FARS2: variants seen among roughly 807,000 people sequenced by gnomAD.
FARS2 encodes phenylalanine--tRNA ligase, mitochondrial.
In FARS2, 40 loss-of-function variants were observed where a neutral mutation model predicts 46.4. The ratio of observed to expected loss-of-function variants is 0.86; its 90% CI spans 0.67 to 1.12. The LOEUF is 1.12. FARS2 is among the 50% of genes most tolerant of loss of function. The pLI is 0.00. For synonymous variants in FARS2, 234 were observed against 214.9 expected (o/e 1.09, Z -0.78); for missense variants, 513 against 567.9 (o/e 0.90, Z 0.98).
chr6:5,314,323 G>T (rs1769294736), intron 1 of FARS2, among the ~76,000 whole-genome samples: 1 of 152,106 alleles, frequency 6.6e-6, no homozygotes, highest in Non-Finnish European at 1.5e-5. Flanking sequence ...GGATGGTGTG[G>T]GTGTGATGGA....
chr6:5,578,319 T>C (rs1561726740), intron 5 of FARS2, among the ~76,000 whole-genome samples: 2 of 151,998 alleles, frequency 1.3e-5, no homozygotes, highest in Non-Finnish European at 2.9e-5. Flanking sequence ...CCCTTCTCAC[T>C]GGGCAGGGAG....
At chr6:5,493,209 C>CAAAA (rs34541325) in intron 4 of FARS2, among the ~76,000 whole-genome samples, 2 of 92,878 alleles carry the variant, frequency 2.2e-5, no homozygotes, top group Non-Finnish European at 4.3e-5. Flanking sequence ...GACTGTGTCT[C>CAAAA]AAAAAAAAAA....
At chr6:5,356,696 T>C (rs1757954068) in intron 1 of FARS2, among the ~76,000 whole-genome samples, 1 of 152,212 alleles carries the variant, frequency 6.6e-6, no homozygotes, top group South Asian at 2.1e-4. Flanking sequence ...TATTATATAC[T>C]GATTATTTGA....
chr6:5,330,758 AGTAT>A (rs1173288508), intron 1 of FARS2, among the ~76,000 whole-genome samples: 4 of 152,190 alleles, frequency 2.6e-5, no homozygotes, highest in African/African-American at 9.7e-5. Context: ...TATGTATTTG[AGTAT>A]GTAGTTTGTA....
intron 6 of FARS2, among the ~76,000 whole-genome samples, chr6:5,721,623 G>C (rs1247962646): frequency 1.3e-5 from 2 of 152,108 alleles, no homozygotes; most frequent in African/African-American, 4.8e-5. Flanking sequence ...CATTATCTAA[G>C]ATCAAAAAAT....
intron 1 of FARS2, among the ~76,000 whole-genome samples, chr6:5,366,062 T>C (rs1758656309): frequency 6.6e-6 from 1 of 152,088 alleles, no homozygotes; most frequent in South Asian, 2.1e-4. Flanking sequence ...AGTGTAACTG[T>C]TACTGAAAAG....
chr6:5,405,010 G>A (rs2127719401), intron 3 of FARS2, among the ~76,000 whole-genome samples: 1 of 152,060 alleles, frequency 6.6e-6, no homozygotes, highest in South Asian at 2.1e-4. Context: ...TGTTGGCCAA[G>A]CTATTCTCAA....
In FARS2 at chr6:5,613,066, T is replaced by TA. The variant is rs566095195; in HGVS notation, c.1066-102dup. 161 of 886,484 alleles carry TA rather than the reference T, an allele frequency of 1.8e-4. No individual in the cohort carries two copies. The African/African-American group carries it at 2.4e-3, about 13-fold the overall frequency. 54.9% of individuals were successfully genotyped at this position (886,484 alleles called of 1,614,324 possible). On this transcript the variant is annotated intron_variant, in intron 5 of 6. Coordinates refer to ENST00000274680, the MANE Select transcript of FARS2 (RefSeq NM_006567.5). Reference sequence around the variant, plus strand: ...AAATTTAGATGCTGAAATGATGTTTTACTAGCATTTCCTAATTAGTCAAGT... The same window carrying TA: ...AAATTTAGATGCTGAAATGATGTTTTAACTAGCATTTCCTAATTAGTCAAGT...
At chr6:5,429,897 C>T (rs1763065330) in intron 3 of FARS2, among the ~76,000 whole-genome samples, 1 of 150,930 alleles carries the variant, frequency 6.6e-6, no homozygotes, top group African/African-American at 2.4e-5. Flanking sequence ...GGCCCAGTCA[C>T]CTGCTAGCTG....
intron 4 of FARS2, among the ~76,000 whole-genome samples, chr6:5,486,052 T>C (rs1766756964): frequency 6.6e-6 from 1 of 152,238 alleles, no homozygotes; most frequent in Admixed American, 6.5e-5. Context: ...TTCTTTTCCC[T>C]GCAACTATAA....
chr6:5,310,507 T>TA (rs755217232), intron 1 of FARS2, among the ~76,000 whole-genome samples: 2 of 151,780 alleles, frequency 1.3e-5, no homozygotes, highest in Non-Finnish European at 2.9e-5. Context: ...CAATCTTAAT[T>TA]AAAAAAAACT....
intron 6 of FARS2, among the ~76,000 whole-genome samples, chr6:5,697,566 C>G (rs1304669886): frequency 6.6e-6 from 1 of 152,144 alleles, no homozygotes; most frequent in East Asian, 1.9e-4. Flanking sequence ...CTGACCCTGT[C>G]TGATGCAAGA....
intron 6 of FARS2, among the ~76,000 whole-genome samples, chr6:5,701,437 T>C (rs1758430265): frequency 6.6e-6 from 1 of 152,226 alleles, no homozygotes; most frequent in African/African-American, 2.4e-5. Flanking sequence ...TATGTCCATA[T>C]GAATGTGAAC....
chr6:5,572,517 G>A (rs1199659259), intron 5 of FARS2, among the ~76,000 whole-genome samples: 2 of 152,088 alleles, frequency 1.3e-5, no homozygotes, highest in African/African-American at 4.8e-5. Context: ...AAAACAAATA[G>A]TAAGAAAGAG....
At chr6:5,411,302 A>G (rs1761930664) in intron 3 of FARS2, among the ~76,000 whole-genome samples, 1 of 152,132 alleles carries the variant, frequency 6.6e-6, no homozygotes, top group Non-Finnish European at 1.5e-5. Context: ...AAAACAAAAC[A>G]AAACAAAAAA....
At chr6:5,430,820 G>A (rs1763118502) in intron 3 of FARS2, among the ~76,000 whole-genome samples, 1 of 152,092 alleles carries the variant, frequency 6.6e-6, no homozygotes, top group Non-Finnish European at 1.5e-5. Flanking sequence ...GAGGGTCCTG[G>A]AATTACGCAA....
At chr6:5,721,407 G>GT (rs1285932161) in intron 6 of FARS2, among the ~76,000 whole-genome samples, 1 of 152,128 alleles carries the variant, frequency 6.6e-6, no homozygotes, top group African/African-American at 2.4e-5. Context: ...AAAAGTAGTA[G>GT]TTTTTTAAAA....
At chr6:5,474,080 A>G (rs1324240827) in intron 4 of FARS2, among the ~76,000 whole-genome samples, 1 of 152,150 alleles carries the variant, frequency 6.6e-6, no homozygotes. Flanking sequence ...AGGAAAACAC[A>G]TCATTCATGA....
intron 1 of FARS2, among the ~76,000 whole-genome samples, chr6:5,351,925 A>T (rs1031186645): frequency 2.0e-5 from 3 of 152,174 alleles, no homozygotes; most frequent in Non-Finnish European, 4.4e-5. Flanking sequence ...GGGGCAGTAC[A>T]CTTTTGCTAT....
Sources: gnomAD v4.1 joint callset for allele counts (sites outside exome capture counted in the v4.1 genomes callset) on GRCh38, gnomAD v4.1.1 for gene constraint, MANE v1.5 for transcripts, NCBI Gene and HGNC (gene_info 2026-07-23, HGNC 2026-07-21) for gene names.